TYW1: variants seen among roughly 807,000 people sequenced by gnomAD.
The protein encoded by TYW1 is S-adenosyl-L-methionine-dependent tRNA 4-demethylwyosine synthase TYW1.
TYW1 carries 46 observed loss-of-function variants against 96.2 expected under a neutral mutation model. The ratio of observed to expected loss-of-function variants is 0.48; its 90% CI spans 0.38 to 0.61. The LOEUF (loss-of-function observed/expected upper bound fraction) is 0.61. Ranked by LOEUF, TYW1 falls within the 20% of genes least tolerant of loss-of-function variation. TYW1 has a pLI of 0.00. For synonymous variants in TYW1, 274 were observed against 323.0 expected, an observed-to-expected ratio of 0.85 and a Z score of 1.63; for missense variants, 684 against 909.6, an observed-to-expected ratio of 0.75 and a Z score of 3.19.
chr7:66,998,950 C>T lies in TYW1; in HGVS notation c.269C>T (p.Ala90Val), dbSNP rs371534181. 7 of 1,613,480 alleles carry T rather than the reference C, an allele frequency of 4.3e-6. No individual in the cohort carries two copies. Among genetic ancestry groups the T allele is most frequent in the African/African-American group, 4.0e-5 (3 of 74,852 alleles). ...TTTTATGGTTCTCAGACTGGAACAG[C>T]GAAGGTAAGAAATTTATATGATGCT... ...KIFYGSQTGTAKGFATVLAEA... is the reference protein window; with the variant it reads ...KIFYGSQTGTVKGFATVLAEA... Residue 90 changes from alanine to valine, a missense_variant, in exon 3 of 16, where the codon GCG (alanine) becomes GTG (valine). Coordinates refer to ENST00000359626, the MANE Select transcript of TYW1 (RefSeq NM_018264.4).
At chr7:67,076,480 A>AT (rs879917948) in intron 10 of TYW1, among the ~76,000 whole-genome samples, 192 of 141,136 alleles carry the variant, frequency 1.4e-3, no homozygotes, top group South Asian at 4.1e-3. Context: ...TGGTATGTGA[A>AT]TTTTTTTTTT....
chr7:67,015,962 C>CA (rs56663072), intron 5 of TYW1, among the ~76,000 whole-genome samples: 95 of 119,218 alleles, frequency 8.0e-4, no homozygotes, highest in Middle Eastern at 4.3e-3. Flanking sequence ...GACTATGTCT[C>CA]AAAAAAAAAA....
At chr7:67,041,652 C>T (rs1178820082) in intron 7 of TYW1, among the ~76,000 whole-genome samples, 1 of 152,078 alleles carries the variant, frequency 6.6e-6, no homozygotes, top group Non-Finnish European at 1.5e-5. Context: ...ATGCTTTCCG[C>T]GTGATCATCC....
chr7:67,071,565 T>G (rs1214387020), intron 10 of TYW1, among the ~76,000 whole-genome samples: 6 of 151,904 alleles, frequency 3.9e-5, no homozygotes, highest in Admixed American at 1.3e-4. Flanking sequence ...CAATTCTCAT[T>G]CCTCAGCCTC....
chr7:67,167,046 A>G (rs1348677691), intron 13 of TYW1, among the ~76,000 whole-genome samples: 1 of 152,200 alleles, frequency 6.6e-6, no homozygotes, highest in Non-Finnish European at 1.5e-5. Flanking sequence ...TATTCTAGAC[A>G]GGAGTAAATG....
chr7:67,137,759 G>A (rs1385951885), intron 13 of TYW1, among the ~76,000 whole-genome samples: 3 of 152,040 alleles, frequency 2.0e-5, no homozygotes, highest in African/African-American at 4.8e-5. Flanking sequence ...AGGTGGAATG[G>A]AATCTATAGG....
intron 3 of TYW1, among the ~76,000 whole-genome samples, chr7:67,002,355 T>A (rs567664490): frequency 6.7e-6 from 1 of 149,956 alleles, no homozygotes; most frequent in Non-Finnish European, 1.5e-5. Context: ...GGGCTAGGAT[T>A]ACAGGTGTGA....
intron 3 of TYW1, among the ~76,000 whole-genome samples, chr7:67,001,920 G>A (rs1479179557): frequency 2.0e-5 from 3 of 151,916 alleles, no homozygotes; most frequent in African/African-American, 7.2e-5. Context: ...TGTAATTCCA[G>A]CTACTTGGGA....
chr7:67,014,893 C>G (rs1394315009), intron 5 of TYW1, among the ~76,000 whole-genome samples: 1 of 151,842 alleles, frequency 6.6e-6, no homozygotes, highest in Non-Finnish European at 1.5e-5. Context: ...CCAGGCTTGG[C>G]TAATTTTTGT....
At chr7:67,089,363 T>C in intron 11 of TYW1, 1 of 1,238,444 alleles carries the variant, frequency 8.1e-7, no homozygotes, top group Non-Finnish European at 1.2e-6. Context: ...TTCCCAAGGC[T>C]TAGGTATCCA....
At chr7:67,064,658 C>A (rs1156903295) in intron 9 of TYW1, among the ~76,000 whole-genome samples, 1 of 152,136 alleles carries the variant, frequency 6.6e-6, no homozygotes, top group African/African-American at 2.4e-5. Flanking sequence ...TTCACTATCA[C>A]AAGAATAGTA....
intron 15 of TYW1, among the ~76,000 whole-genome samples, chr7:67,213,504 A>G (rs60539470): frequency 0.13 from 20,448 of 152,176 alleles, 1,707 homozygotes; most frequent in East Asian, 0.25. Context: ...TCTCTTAATT[A>G]TGCCCTTCTC....
At chr7:67,072,934 GTTTTTTTTTTTTTT>G (rs529812538) in intron 10 of TYW1, among the ~76,000 whole-genome samples, 13 of 71,260 alleles carry the variant, frequency 1.8e-4, no homozygotes, top group East Asian at 5.5e-4. Flanking sequence ...TGCCTATCCA[GTTTTTTTTTTTTTT>G]TTTTTTTTTT....
At chr7:67,119,610 A>G (rs1394233874) in intron 13 of TYW1, among the ~76,000 whole-genome samples, 1 of 152,158 alleles carries the variant, frequency 6.6e-6, no homozygotes, top group Admixed American at 6.5e-5. Context: ...ACTATACTGC[A>G]AAGTCTTTTC....
At chr7:67,105,886 CTTTTT>C (rs11330425) in intron 12 of TYW1, among the ~76,000 whole-genome samples, 1 of 61,400 alleles carries the variant, frequency 1.6e-5, no homozygotes, top group South Asian at 6.3e-4. Flanking sequence ...AGAGAATATT[CTTTTT>C]TTTTTTTTTT....
intron 7 of TYW1, among the ~76,000 whole-genome samples, chr7:67,031,843 A>G (rs1794683009): frequency 6.6e-6 from 1 of 150,880 alleles, no homozygotes; most frequent in Non-Finnish European, 1.5e-5. Flanking sequence ...TCCCACCTAC[A>G]CCAACCAACC....
At position 67,238,711 on chromosome 7, in the gene TYW1, G is replaced by T; in HGVS notation, c.*182G>T. The T allele has an allele frequency of 7.0e-7, 1 of 1,422,536 alleles. No individual in the cohort carries two copies. The highest frequency in any genetic ancestry group is 2.5e-5 in the East Asian group (1 of 39,380). 88.1% of individuals were successfully genotyped at this position (1,422,536 alleles called of 1,614,324 possible). A position where few individuals can be genotyped will look rare whatever the true frequency, so the allele number is the denominator to read the frequency against. ...CCACACTCAGAGGGCCTGGGCCACA[G>T]CCCCGATGTTTCTTTTCAGAACTCA... On this transcript the variant is annotated 3_prime_UTR_variant, in exon 16 of 16. Coordinates refer to ENST00000359626, the MANE Select transcript of TYW1 (RefSeq NM_018264.4).
chr7:67,236,706 A>G (rs1801900531), intron 15 of TYW1, among the ~76,000 whole-genome samples: 2 of 152,206 alleles, frequency 1.3e-5, no homozygotes, highest in African/African-American at 4.8e-5. Flanking sequence ...GAGTAATTAA[A>G]CTTTTCCACA....
At position 67,109,862 on chromosome 7, in the gene TYW1, A is replaced by G. The variant is rs1797349069; in HGVS notation, c.1563-7621A>G. Among the ~76,000 whole-genome samples the G allele has an allele frequency of 2.6e-5, 4 of 152,176 alleles. No homozygotes were observed. In the South Asian group the frequency reaches 8.3e-4, roughly 31 times the overall value. The stretch of plus-strand genomic sequence containing the variant: ...ACCATTGCACCCCTGCCTGGGGGAT[A>G]GAGCAAGACTCCCTTTCAAAAGAAA... On this transcript the variant is annotated intron_variant, in intron 12 of 15. Transcript: ENST00000359626.
Sources: gnomAD v4.1 joint callset for allele counts (sites outside exome capture counted in the v4.1 genomes callset) on GRCh38, gnomAD v4.1.1 for gene constraint, MANE v1.5 for transcripts, NCBI Gene and HGNC (gene_info 2026-07-23, HGNC 2026-07-21) for gene names.